The following SMYD3 variants were observed in gnomAD, a reference collection of about 807,000 sequenced individuals.
SMYD3 encodes histone-lysine N-methyltransferase SMYD3.
Under a neutral mutation model 57.7 loss-of-function variants are expected in SMYD3, and 36 were observed. That is an observed-to-expected ratio of 0.62 (90% confidence interval 0.48 to 0.82). SMYD3 has a LOEUF of 0.82. Ranked by LOEUF, SMYD3 falls within the 40% of genes least tolerant of loss-of-function variation. SMYD3 has a pLI of 0.00. For synonymous variants in SMYD3, 211 were observed against 195.0 expected (o/e 1.08, Z -0.68); for missense variants, 515 against 538.8 (o/e 0.96, Z 0.44).
intron 5 of SMYD3, among the ~76,000 whole-genome samples, chr1:246,170,134 T>C (rs1330738924): frequency 6.6e-6 from 1 of 151,880 alleles, no homozygotes; most frequent in Non-Finnish European, 1.5e-5. Flanking sequence ...TAAGAAAAAA[T>C]AATTTGGGTG....
chr1:245,899,827 C>T (rs1368064380), intron 8 of SMYD3, among the ~76,000 whole-genome samples: 1 of 152,132 alleles, frequency 6.6e-6, no homozygotes, highest in Non-Finnish European at 1.5e-5. Context: ...GCTGCAATTC[C>T]CTCAAGTAAA....
chr1:246,415,989 A>G (rs1207051744), intron 1 of SMYD3, among the ~76,000 whole-genome samples: 1 of 152,196 alleles, frequency 6.6e-6, no homozygotes, highest in Non-Finnish European at 1.5e-5. Context: ...GTTCTTAGAG[A>G]ACTTATATTC....
At position 246,189,882 on chromosome 1, in the gene SMYD3, C is replaced by T. The variant is rs145246070; in HGVS notation, c.531+137319G>A. ...GTCATTTGTATGTGCTTAGGAGACA[C>T]GTGTCTCTAAAAGCAACATGTACAT... On this transcript the variant is annotated intron_variant, in intron 5 of 11. Coordinates refer to ENST00000490107, the MANE Select transcript of SMYD3 (RefSeq NM_001167740.2). 6.3e-3 allele frequency among the ~76,000 whole-genome samples: 955 copies of T among 152,252 alleles called. 8 individuals are homozygous for T. The highest frequency in any genetic ancestry group is 0.02 in the Middle Eastern group (6 of 294).
At chr1:245,804,190 C>T (rs1295204319) in intron 10 of SMYD3, among the ~76,000 whole-genome samples, 1 of 152,112 alleles carries the variant, frequency 6.6e-6, no homozygotes, top group African/African-American at 2.4e-5. Flanking sequence ...GGATTACAGG[C>T]GTGAGGCACC....
chr1:245,829,211 T>A lies in SMYD3; in HGVS notation c.1076+29285A>T, dbSNP rs539863947. Among the ~76,000 whole-genome samples, 2 of 151,982 alleles carry A rather than the reference T, an allele frequency of 1.3e-5. 1 individual carries two copies. The highest frequency in any genetic ancestry group is 4.8e-5 in the African/African-American group (2 of 41,450). On this transcript the variant is annotated intron_variant, in intron 10 of 11. Coordinates refer to ENST00000490107, the MANE Select transcript of SMYD3 (RefSeq NM_001167740.2). ...TTCAGAACACCTTATAACTAACCTA[T>A]AAGAAGCTAACTTAATTCTAGGGAT...
chr1:246,067,323 G>A lies in SMYD3; in HGVS notation c.532-137386C>T, dbSNP rs116164086. ...TTGTTCTTAATTAGAACAGTATTTG[G>A]AGCTGGAACTATCTAATGGGCAAGT... is the stretch of plus-strand genomic sequence containing the variant. On this transcript the variant is annotated intron_variant, in intron 5 of 11. Transcript: ENST00000490107. Among the ~76,000 whole-genome samples the A allele has an allele frequency of 2.4e-3, 369 of 152,244 alleles. 1 individual carries two copies. Among genetic ancestry groups the A allele is most frequent in the Non-Finnish European group, 4.4e-3 (298 of 68,008 alleles).
At chr1:246,059,252 T>A (rs1172490305) in intron 5 of SMYD3, among the ~76,000 whole-genome samples, 1 of 152,094 alleles carries the variant, frequency 6.6e-6, no homozygotes, top group Non-Finnish European at 1.5e-5. Context: ...ATCCTTTGGG[T>A]CTGATGTTAC....
rs569179337 is a variant in SMYD3 at position 245,806,776 on chromosome 1, G to A, written c.1077-42627C>T. On this transcript the variant is annotated intron_variant, in intron 10 of 11. Coordinates refer to ENST00000490107, the MANE Select transcript of SMYD3 (RefSeq NM_001167740.2). ...ATACAAAAAATTAGCCGGGCGCGGT[G>A]GCGGGCGCCTGTAGTCCCAGCTACT... 4.4e-4 allele frequency among the ~76,000 whole-genome samples: 67 copies of A among 151,500 alleles called. No individual in the cohort carries two copies. The East Asian group carries it at 9.9e-3, about 22-fold the overall frequency.
rs556078052 is a variant in SMYD3 at position 246,220,610 on chromosome 1, G to A, written c.531+106591C>T. Among the ~76,000 whole-genome samples, 7 of 152,306 alleles carry A rather than the reference G, an allele frequency of 4.6e-5. No homozygotes were observed. In the East Asian group the frequency reaches 5.8e-4, roughly 13 times the overall value. Reference sequence around the variant, plus strand: ...TGGGAGCAAAGTCAGGGCTGAGTCCGGGCACCATGAACAGCAGCAGGAGGC... The same window carrying A: ...TGGGAGCAAAGTCAGGGCTGAGTCCAGGCACCATGAACAGCAGCAGGAGGC... On this transcript the variant is annotated intron_variant, in intron 5 of 11. Transcript: ENST00000490107.
chr1:246,174,785 A>G (rs1176219828), intron 5 of SMYD3, among the ~76,000 whole-genome samples: 2 of 152,186 alleles, frequency 1.3e-5, no homozygotes, highest in Non-Finnish European at 2.9e-5. Context: ...AGGAGAGTGG[A>G]GTCTCAACAA....
chr1:245,943,528 T>C (rs1245300181), intron 5 of SMYD3, among the ~76,000 whole-genome samples: 3 of 152,146 alleles, frequency 2.0e-5, no homozygotes, highest in African/African-American at 4.8e-5. Context: ...ACCAGACATA[T>C]TGACAGCTGA....
intron 5 of SMYD3, among the ~76,000 whole-genome samples, chr1:246,131,753 C>T (rs780552886): frequency 3.3e-5 from 5 of 152,088 alleles, no homozygotes; most frequent in African/African-American, 1.2e-4. Flanking sequence ...CATAAATTTC[C>T]GGAGAAGTCT....
At chr1:245,787,586 T>C (rs1371268532) in intron 10 of SMYD3, among the ~76,000 whole-genome samples, 1 of 151,486 alleles carries the variant, frequency 6.6e-6, no homozygotes, top group Non-Finnish European at 1.5e-5. Context: ...CAGTCAAAAC[T>C]TCCAAGCCTC....
intron 10 of SMYD3, among the ~76,000 whole-genome samples, chr1:245,790,291 G>T (rs1238432230): frequency 6.6e-6 from 1 of 152,202 alleles, no homozygotes; most frequent in African/African-American, 2.4e-5. Context: ...GGAAAGTCAA[G>T]AGTGTCCCAA....
At chr1:246,463,920 A>G (rs1053167397) in intron 1 of SMYD3, among the ~76,000 whole-genome samples, 1 of 151,996 alleles carries the variant, frequency 6.6e-6, no homozygotes, top group Non-Finnish European at 1.5e-5. Context: ...ACAATTATAT[A>G]AGTAATTGCA....
At chr1:246,258,563 G>C (rs1346285186) in intron 5 of SMYD3, among the ~76,000 whole-genome samples, 1 of 152,136 alleles carries the variant, frequency 6.6e-6, no homozygotes, top group African/African-American at 2.4e-5. Flanking sequence ...CACTTTGCTT[G>C]TAAAGTTTCT....
At chr1:246,269,979 G>T (rs2064189018) in intron 5 of SMYD3, among the ~76,000 whole-genome samples, 1 of 152,134 alleles carries the variant, frequency 6.6e-6, no homozygotes, top group Non-Finnish European at 1.5e-5. Context: ...TTTTCAAATT[G>T]AAATGGTACT....
chr1:246,459,309 G>A (rs2103036779), intron 1 of SMYD3, among the ~76,000 whole-genome samples: 1 of 145,820 alleles, frequency 6.9e-6, no homozygotes, highest in East Asian at 2.0e-4. Context: ...CTCCTGCTCT[G>A]CTGTTCTCAT....
At chr1:246,036,816 G>C (rs182244670) in intron 5 of SMYD3, among the ~76,000 whole-genome samples, 1 of 150,170 alleles carries the variant, frequency 6.7e-6, no homozygotes, top group African/African-American at 2.5e-5. Context: ...CGCCCGCCTC[G>C]GCCTCCCAAA....
Sources: allele counts gnomAD v4.1 joint callset (sites outside exome capture counted in the v4.1 genomes callset), GRCh38; gene constraint gnomAD v4.1.1; transcripts MANE v1.5; gene names NCBI Gene and HGNC (gene_info 2026-07-23, HGNC 2026-07-21).